The following RIT2 variants were observed in gnomAD, a reference collection of about 807,000 sequenced individuals.
RIT2 encodes the protein GTP-binding protein Rit2.
Under a neutral mutation model 23.7 loss-of-function variants are expected in RIT2, and 24 were observed. That is an observed-to-expected ratio of 1.01 (90% CI 0.73 to 1.43). The LOEUF is 1.43. RIT2 is among the 40% of genes most tolerant of loss of function. The pLI, the probability that RIT2 is intolerant of heterozygous loss-of-function variation, is 0.00. For missense variants in RIT2, 236 were observed against 266.9 expected, an observed-to-expected ratio of 0.88 and a Z score of 0.81; for synonymous variants, 107 against 91.1, an observed-to-expected ratio of 1.17 and a Z score of -0.99.
At chr18:43,060,924 C>A (rs4267412) in intron 1 of RIT2, among the ~76,000 whole-genome samples, 38 of 151,924 alleles carry the variant, frequency 2.5e-4, no homozygotes, top group African/African-American at 8.9e-4. Context: ...GCAGATACCC[C>A]GTATTTTTTT....
Position 43,060,124 on chromosome 18 carries a change from TA to T in RIT2, c.104-26258del, listed in dbSNP as rs989020054. 9.9e-5 allele frequency among the ~76,000 whole-genome samples: 15 copies of T among 152,238 alleles called. No individual in the cohort carries two copies. In the South Asian group the frequency reaches 1.2e-3, roughly 13 times the overall value. On this transcript the variant is annotated intron_variant, in intron 1 of 4. Coordinates refer to ENST00000326695, the MANE Select transcript of RIT2 (RefSeq NM_002930.4). ...CTGAGAGGTATTTTATAGAGAGCAG[TA>T]GAATTTTAGATCTAAAGCAAACTTT...
intron 4 of RIT2, among the ~76,000 whole-genome samples, chr18:42,780,519 A>C (rs1913786594): frequency 6.6e-6 from 1 of 152,186 alleles, no homozygotes; most frequent in South Asian, 2.1e-4. Context: ...GATTCTCTAC[A>C]TAATGTAAAT....
At chr18:43,005,341 C>A (rs4467165) in intron 2 of RIT2, among the ~76,000 whole-genome samples, 18,451 of 151,840 alleles carry the variant, frequency 0.12, 1,235 homozygotes, top group African/African-American at 0.15. Context: ...TCTACATATA[C>A]AAACAGTTGT....
intron 2 of RIT2, 57 bp downstream of exon 2, chr18:43,033,754 G>T: frequency 1.7e-6 from 2 of 1,182,438 alleles, no homozygotes; most frequent in East Asian, 2.3e-5. Context: ...TTATTTTCAA[G>T]CCACTTAGTC....
intron 4 of RIT2, among the ~76,000 whole-genome samples, chr18:42,910,975 C>T (rs1019512703): frequency 1.3e-5 from 2 of 152,034 alleles, no homozygotes; most frequent in African/African-American, 4.8e-5. Context: ...TAACCATCTA[C>T]AGCAGAATAC....
chr18:42,791,943 C>T (rs1324334579), intron 4 of RIT2, among the ~76,000 whole-genome samples: 1 of 152,116 alleles, frequency 6.6e-6, no homozygotes, highest in Non-Finnish European at 1.5e-5. Context: ...GCTAATAAAA[C>T]ATCATAAGGA....
At chr18:42,953,643 G>A (rs1909905955) in intron 3 of RIT2, among the ~76,000 whole-genome samples, 1 of 152,160 alleles carries the variant, frequency 6.6e-6, no homozygotes, top group Admixed American at 6.5e-5. Context: ...TATCTGAGAG[G>A]AGGGTCTTGT....
chr18:42,846,921 C>T lies in RIT2; in HGVS notation c.426+76651G>A, dbSNP rs141445993. On this transcript the variant is annotated intron_variant, in intron 4 of 4. Transcript: ENST00000326695. Reference sequence around the variant, plus strand: ...TTAACATTTTACCAGAGTGTTAGAACACTTGGTATCTTGAACTGGAGTATA... The same window carrying T: ...TTAACATTTTACCAGAGTGTTAGAATACTTGGTATCTTGAACTGGAGTATA... Among the ~76,000 whole-genome samples, 21 of 152,180 alleles carry T rather than the reference C, an allele frequency of 1.4e-4. 1 individual carries two copies. Among genetic ancestry groups the T allele is most frequent in the Admixed American group, 7.9e-4 (12 of 15,246 alleles).
At chr18:42,919,024 G>A (rs996243211) in intron 4 of RIT2, among the ~76,000 whole-genome samples, 7 of 151,986 alleles carry the variant, frequency 4.6e-5, no homozygotes, top group African/African-American at 1.4e-4. Context: ...ATTTAAGGGG[G>A]GCTTTCTCCC....
At chr18:42,880,861 G>A (rs1006884467) in intron 4 of RIT2, among the ~76,000 whole-genome samples, 1 of 144,214 alleles carries the variant, frequency 6.9e-6, no homozygotes, top group African/African-American at 2.6e-5. Context: ...AGGCTGGAGT[G>A]CAATGGCATG....
chr18:42,826,046 A>G (rs569633445), intron 4 of RIT2, among the ~76,000 whole-genome samples: 3 of 152,172 alleles, frequency 2.0e-5, no homozygotes, highest in African/African-American at 7.2e-5. Flanking sequence ...TATGTGGAGT[A>G]CTTCTAACTT....
intron 1 of RIT2, among the ~76,000 whole-genome samples, chr18:43,108,637 A>G (rs1010483400): frequency 6.6e-6 from 1 of 152,184 alleles, no homozygotes; most frequent in Non-Finnish European, 1.5e-5. Context: ...TCAATTTAAA[A>G]TCTACAGAGT....
intron 4 of RIT2, among the ~76,000 whole-genome samples, chr18:42,761,057 G>A (rs1350809712): frequency 6.6e-6 from 1 of 152,206 alleles, no homozygotes; most frequent in African/African-American, 2.4e-5. Context: ...AGCAATCACA[G>A]TTATGTTTAA....
chr18:42,750,991 G>A (rs1391240386), intron 4 of RIT2, among the ~76,000 whole-genome samples: 1 of 151,870 alleles, frequency 6.6e-6, no homozygotes, highest in Non-Finnish European at 1.5e-5. Flanking sequence ...AAGGCCATCT[G>A]TAAACCTATA....
chr18:42,971,553 AT>A (rs1316911981), intron 3 of RIT2, among the ~76,000 whole-genome samples: 4 of 151,984 alleles, frequency 2.6e-5, no homozygotes, highest in Non-Finnish European at 5.9e-5. Flanking sequence ...AATATTCTGT[AT>A]TGCTCAGCTA....
intron 3 of RIT2, among the ~76,000 whole-genome samples, chr18:42,942,115 A>G (rs61219030): frequency 6.6e-6 from 1 of 151,968 alleles, no homozygotes; most frequent in Non-Finnish European, 1.5e-5. Context: ...AAAAAAAAAA[A>G]CAGTGAATAT....
intron 4 of RIT2, among the ~76,000 whole-genome samples, chr18:42,865,668 T>G (rs897539090): frequency 2.6e-5 from 4 of 152,136 alleles, no homozygotes; most frequent in Non-Finnish European, 5.9e-5. Flanking sequence ...GACATTCAGT[T>G]TTATGAACTT....
At chr18:43,109,314 T>C (rs984500015) in intron 1 of RIT2, among the ~76,000 whole-genome samples, 3 of 152,202 alleles carry the variant, frequency 2.0e-5, no homozygotes, top group Non-Finnish European at 2.9e-5. Flanking sequence ...CTAATCCTTT[T>C]TGGGTTTTCA....
At chr18:42,770,511 A>C (rs9960008) in intron 4 of RIT2, among the ~76,000 whole-genome samples, 10,205 of 152,274 alleles carry the variant, frequency 0.067, 1,014 homozygotes, top group African/African-American at 0.22. Flanking sequence ...AAGCTCTTGA[A>C]GATGGGATTC....
Sources: allele counts gnomAD v4.1 joint callset (sites outside exome capture counted in the v4.1 genomes callset), GRCh38; gene constraint gnomAD v4.1.1; transcripts MANE v1.5; gene names NCBI Gene and HGNC (gene_info 2026-07-23, HGNC 2026-07-21).